TMC3: variants seen among roughly 807,000 people sequenced by gnomAD.
TMC3 encodes the protein transmembrane channel like 3, also known as transmembrane channel-like protein 3.
In TMC3, 98 loss-of-function variants were observed where a neutral mutation model predicts 110.6. The observed-to-expected ratio is 0.89, with a 90% CI of 0.75 to 1.05. TMC3 has a LOEUF of 1.05. Among genes scored for constraint, TMC3 ranks in the 50% least tolerant of loss-of-function variants. TMC3 has a pLI of 0.00. For synonymous variants in TMC3, 489 were observed against 513.1 expected (o/e 0.95, Z 0.63); for missense variants, 1,319 against 1,373.2 (o/e 0.96, Z 0.62).
chr15:81,333,296 TTGG>T (rs1406484264), intron 21 of TMC3, 34 bp from the exon 22 acceptor site: 3 of 1,569,438 alleles, frequency 1.9e-6, no homozygotes, highest in Non-Finnish European at 2.6e-6. Flanking sequence ...AGCTGTGGCC[TTGG>T]TGGTCTCAGA....
At chr15:81,363,297 A>G (rs1280508054) in intron 3 of TMC3, among the ~76,000 whole-genome samples, 1 of 152,218 alleles carries the variant, frequency 6.6e-6, no homozygotes, top group Admixed American at 6.5e-5. Flanking sequence ...GCAATTGCCA[A>G]AAGTTTAAAA....
intron 7 of TMC3, 135 bp downstream of exon 7, chr15:81,358,014 T>G: frequency 8.9e-7 from 1 of 1,125,546 alleles, no homozygotes; most frequent in Non-Finnish European, 1.2e-6. Flanking sequence ...ATTACACATA[T>G]CATAACACTT....
rs771728619 is a variant in TMC3, at chr15:81,332,592, C to T, written c.3130G>A (p.Val1044Met). Residue 1044 changes from valine to methionine, a missense_variant, in exon 22 of 22, where the codon GTG (valine) becomes ATG (methionine). Val to Met is a conservative substitution (Grantham distance 21, BLOSUM62 1). Coordinates refer to ENST00000359440, the MANE Select transcript of TMC3 (RefSeq NM_001080532.3). ...FEPSLTESDS[V>M]SAASSSDQQN... ...TGGTCACTGCTGGATGCTGCCGACA[C>T]GGAGTCAGATTCCGTGAGGGATGGC... The T allele has an allele frequency of 3.1e-6, 5 of 1,613,980 alleles. No individual in the cohort carries two copies. Among genetic ancestry groups the T allele is most frequent in the South Asian group, 1.1e-5 (1 of 91,082 alleles).
At position 81,367,000 on chromosome 15, in the gene TMC3, CAAGG is replaced by C. The variant is rs1409423923; in HGVS notation, c.312+1249_312+1252del. Among the ~76,000 whole-genome samples, 4 of 152,184 alleles carry C rather than the reference CAAGG, an allele frequency of 2.6e-5. No homozygotes were observed. The East Asian group carries it at 7.7e-4, about 29-fold the overall frequency. On this transcript the variant is annotated intron_variant, in intron 3 of 21. Coordinates refer to ENST00000359440, the MANE Select transcript of TMC3 (RefSeq NM_001080532.3). The stretch of plus-strand genomic sequence containing the variant: ...GACTAATAATGGCGATATAAATCAT[CAAGG>C]CTTTTAGAAAATAATCTTTAAATAT...
At chr15:81,369,651 G>A (rs1894391797) in intron 2 of TMC3, among the ~76,000 whole-genome samples, 1 of 151,904 alleles carries the variant, frequency 6.6e-6, no homozygotes, top group South Asian at 2.1e-4. Context: ...CTGCCAGGTG[G>A]GGTGGCTCAC....
intron 4 of TMC3, chr15:81,361,840 C>T (rs1440713436): frequency 1.3e-5 from 2 of 159,688 alleles, no homozygotes; most frequent in African/African-American, 4.8e-5. Context: ...TAAATGGGCA[C>T]AATTATCTCT....
intron 20 of TMC3, 44 bp from the exon 21 acceptor site, chr15:81,335,019 G>T (rs374956619): frequency 3.1e-5 from 50 of 1,601,260 alleles, no homozygotes; most frequent in Non-Finnish European, 4.1e-5. Context: ...GTGTCACTGA[G>T]CAGGTGACAA....
intron 4 of TMC3, among the ~76,000 whole-genome samples, chr15:81,361,139 A>G (rs1316043797): frequency 6.6e-6 from 1 of 152,080 alleles, no homozygotes; most frequent in East Asian, 1.9e-4. Context: ...TGTTTTTCCC[A>G]ATTTGTCATC....
chr15:81,343,114 A>G, intron 15 of TMC3, 164 bp downstream of exon 15: 1 of 487,448 alleles, frequency 2.1e-6, no homozygotes, highest in Non-Finnish European at 3.7e-6. Flanking sequence ...ATTCTTAGGA[A>G]ACCATTAATA....
chr15:81,348,185 T>G (rs1243326561), intron 11 of TMC3, among the ~76,000 whole-genome samples: 18 of 152,246 alleles, frequency 1.2e-4, no homozygotes. Context: ...GTATTTACTA[T>G]CTAGTTCTTT....
intron 3 of TMC3, among the ~76,000 whole-genome samples, chr15:81,363,217 C>T (rs536275620): frequency 2.7e-5 from 4 of 150,648 alleles, no homozygotes; most frequent in Non-Finnish European, 4.4e-5. Context: ...TGCCACTGCA[C>T]TGCAGCCTGG....
At chr15:81,343,020 A>T in intron 15 of TMC3, 3 of 418,514 alleles carry the variant, frequency 7.2e-6, no homozygotes, top group Middle Eastern at 6.7e-4. Context: ...AGTGTATTCT[A>T]CTGGTTTCTG....
At chr15:81,372,202 T>G (rs75194383) in intron 2 of TMC3, among the ~76,000 whole-genome samples, 6,840 of 152,078 alleles carry the variant, frequency 0.045, 199 homozygotes, top group East Asian at 0.15. Context: ...CTGCTCTGTT[T>G]CTAGTGAGCG....
intron 16 of TMC3, among the ~76,000 whole-genome samples, chr15:81,339,765 C>T (rs1893673846): frequency 6.6e-6 from 1 of 152,210 alleles, no homozygotes. Flanking sequence ...CTGTTCACCT[C>T]AAACCATAAA....
chr15:81,353,665 G>A (rs997379234), intron 9 of TMC3, among the ~76,000 whole-genome samples: 1 of 152,210 alleles, frequency 6.6e-6, no homozygotes, highest in Non-Finnish European at 1.5e-5. Flanking sequence ...TAGCCTAGGT[G>A]TGTAGTAGGC....
chr15:81,355,316 C>A (rs999207026), intron 9 of TMC3, among the ~76,000 whole-genome samples: 1 of 152,146 alleles, frequency 6.6e-6, no homozygotes, highest in African/African-American at 2.4e-5. Flanking sequence ...GCATAGCTCT[C>A]AAGATCTTGA....
At position 81,333,271 on chromosome 15, in the gene TMC3, CA is replaced by C; in HGVS notation, c.2460-10del. 1 of 1,592,064 alleles carries C rather than the reference CA, an allele frequency of 6.3e-7. No homozygotes were observed. The highest frequency in any genetic ancestry group is 8.6e-7 in the Non-Finnish European group (1 of 1,166,696). ...ACAGACCGTGCAGATACCTGTAAGA[CA>C]GGGGCGGTTAAGTAGCTGTGGCCTT... On this transcript the variant is annotated splice_polypyrimidine_tract_variant and intron_variant, in intron 21 of 21. Transcript: ENST00000359440.
chr15:81,346,292 T>C, intron 12 of TMC3, 73 bp downstream of exon 12: 3 of 1,325,618 alleles, frequency 2.3e-6, no homozygotes, highest in Non-Finnish European at 3.2e-6. Context: ...TCCACGATGA[T>C]GACCCTGGTG....
intron 19 of TMC3, 54 bp downstream of exon 19, chr15:81,337,792 C>T: frequency 6.8e-7 from 1 of 1,466,476 alleles, no homozygotes; most frequent in Non-Finnish European, 9.6e-7. Flanking sequence ...CTGGCGGGAT[C>T]TCAGTCATGT....
Sources: gnomAD v4.1 joint callset for allele counts (sites outside exome capture counted in the v4.1 genomes callset) on GRCh38, gnomAD v4.1.1 for gene constraint, MANE v1.5 for transcripts, NCBI Gene and HGNC (gene_info 2026-07-23, HGNC 2026-07-21) for gene names.